ADGRL2: variants seen among roughly 807,000 people sequenced by gnomAD.
The protein encoded by ADGRL2 is calcium-independent alpha-latrotoxin receptor 2.
A neutral mutation model predicts 157.4 loss-of-function variants in ADGRL2; 44 were observed. That is an observed-to-expected ratio of 0.28 (90% CI 0.22 to 0.36). The LOEUF (loss-of-function observed/expected upper bound fraction) is 0.36. ADGRL2 is among the 10% of genes least tolerant of loss of function. The pLI, the probability that ADGRL2 is intolerant of heterozygous loss-of-function variation, is 1.00. For synonymous variants in ADGRL2, 585 were observed against 624.7 expected (o/e 0.94, Z 0.95); for missense variants, 1,510 against 1,768.9 (o/e 0.85, Z 2.63).
At chr1:81,670,886 T>A (rs2082861342) in intron 3 of ADGRL2, among the ~76,000 whole-genome samples, 1 of 152,168 alleles carries the variant, frequency 6.6e-6, no homozygotes, top group Non-Finnish European at 1.5e-5. Context: ...ATTTTTGTAT[T>A]TTTTGTGGAG....
chr1:81,798,980 G>A (rs2087731176), upstream of ADGRL2, among the ~76,000 whole-genome samples: 1 of 152,132 alleles, frequency 6.6e-6, no homozygotes, highest in Admixed American at 6.5e-5. Flanking sequence ...AAATATTTTG[G>A]TAAATGCAAG....
At chr1:81,569,845 C>CA (rs1557470381) in intron 2 of ADGRL2, among the ~76,000 whole-genome samples, 1 of 151,816 alleles carries the variant, frequency 6.6e-6, no homozygotes, top group Non-Finnish European at 1.5e-5. Flanking sequence ...AAAATTAAAC[C>CA]AAAAAAGATG....
chr1:81,703,152 T>C (rs2083628008), intron 1 of ADGRL2, among the ~76,000 whole-genome samples: 1 of 152,150 alleles, frequency 6.6e-6, no homozygotes. Flanking sequence ...GGCTGAAATA[T>C]GTATTCCACA....
At chr1:81,407,140 A>T (rs2101361753) in intron 1 of ADGRL2, among the ~76,000 whole-genome samples, 1 of 152,242 alleles carries the variant, frequency 6.6e-6, no homozygotes, top group Non-Finnish European at 1.5e-5. Context: ...GGTTTAGAAG[A>T]GCTTTGATTA....
At position 81,948,047 on chromosome 1, in the gene ADGRL2, T is replaced by C. The variant is rs536886092; in HGVS notation, c.1211-2142T>C. 2.0e-5 allele frequency among the ~76,000 whole-genome samples: 3 copies of C among 152,002 alleles called. No homozygotes were observed. In the East Asian group the frequency reaches 5.8e-4, roughly 30 times the overall value. On this transcript the variant is annotated intron_variant, in intron 6 of 23. Transcript: ENST00000686636. ...TCCTGGCCAATATGGTGAAACCCCGTCTCTGCTAAAAATACAAAAATTAGC... is the reference window on the plus strand; with the variant it reads ...TCCTGGCCAATATGGTGAAACCCCGCCTCTGCTAAAAATACAAAAATTAGC...
chr1:81,351,596 T>C (rs1209068103), intron 1 of ADGRL2, among the ~76,000 whole-genome samples: 1 of 124,560 alleles, frequency 8.0e-6, no homozygotes, highest in African/African-American at 2.7e-5. Context: ...GATTCCAGAT[T>C]AATTGTTAAA....
chr1:81,934,437 G>A (rs982458223), intron 3 of ADGRL2, among the ~76,000 whole-genome samples: 2 of 151,820 alleles, frequency 1.3e-5, no homozygotes, highest in African/African-American at 4.8e-5. Flanking sequence ...ATTACTTCTG[G>A]TGGAAAAAAT....
rs111411962 is a variant in ADGRL2, at chr1:81,872,007, A to G, written c.73+34950A>G. Among the ~76,000 whole-genome samples, 466 of 152,276 alleles carry G rather than the reference A, an allele frequency of 3.1e-3. 2 individuals carry two copies. Among genetic ancestry groups the G allele is most frequent in the Non-Finnish European group, 4.2e-3 (284 of 68,022 alleles). ...TGTTTTAGACATGAAGTCCTTGCCC[A>G]TGCCTATGTCCTGAATGGTAATGCC... is the stretch of plus-strand genomic sequence containing the variant. On this transcript the variant is annotated intron_variant, in intron 2 of 23. Coordinates refer to ENST00000686636, the MANE Select transcript of ADGRL2 (RefSeq NM_001366006.2).
At chr1:81,716,385 G>A (rs923838891) in intron 1 of ADGRL2, among the ~76,000 whole-genome samples, 2 of 152,132 alleles carry the variant, frequency 1.3e-5, no homozygotes, top group African/African-American at 4.8e-5. Context: ...AGTACTAAAT[G>A]AGTTCTTATA....
intron 1 of ADGRL2, among the ~76,000 whole-genome samples, chr1:81,378,928 T>C (rs909079035): frequency 4.6e-5 from 7 of 152,308 alleles, no homozygotes; most frequent in Admixed American, 2.0e-4. Context: ...TTACTATTTT[T>C]TAAAAATTTT....
At chr1:81,347,802 C>T (rs1662587728) in intron 1 of ADGRL2, among the ~76,000 whole-genome samples, 1 of 152,068 alleles carries the variant, frequency 6.6e-6, no homozygotes, top group Non-Finnish European at 1.5e-5. Flanking sequence ...CTGCAAAAGC[C>T]AGGAATACAG....
chr1:81,862,533 T>C (rs2093420412), intron 2 of ADGRL2, among the ~76,000 whole-genome samples: 1 of 152,164 alleles, frequency 6.6e-6, no homozygotes, highest in African/African-American at 2.4e-5. Context: ...TTGTTATATC[T>C]TAATAAGAGC....
At chr1:81,331,571 C>T (rs538116293) in intron 1 of ADGRL2, among the ~76,000 whole-genome samples, 4 of 152,204 alleles carry the variant, frequency 2.6e-5, no homozygotes, top group Admixed American at 2.0e-4. Flanking sequence ...ACTTTACTCC[C>T]TCGCTACTGG....
At chr1:81,335,204 T>C (rs954605792) in intron 1 of ADGRL2, among the ~76,000 whole-genome samples, 4 of 152,226 alleles carry the variant, frequency 2.6e-5, no homozygotes, top group Admixed American at 6.5e-5. Flanking sequence ...AATATTTGCA[T>C]ATGCTTCTGC....
At chr1:81,844,417 G>T (rs542724745) in intron 2 of ADGRL2, among the ~76,000 whole-genome samples, 3 of 152,268 alleles carry the variant, frequency 2.0e-5, no homozygotes, top group African/African-American at 7.2e-5. Context: ...ACGATAGCTT[G>T]TGATATTAGA....
chr1:81,520,993 C>A (rs2079301250), intron 2 of ADGRL2, among the ~76,000 whole-genome samples: 1 of 152,174 alleles, frequency 6.6e-6, no homozygotes, highest in South Asian at 2.1e-4. Context: ...AGAACATGTG[C>A]CCTAACTTTT....
At chr1:81,590,646 C>G (rs2081114241) in intron 3 of ADGRL2, among the ~76,000 whole-genome samples, 1 of 152,154 alleles carries the variant, frequency 6.6e-6, no homozygotes, top group Non-Finnish European at 1.5e-5. Flanking sequence ...ACAGCATGTC[C>G]TCCAAGCTCT....
Position 81,380,958 on chromosome 1 carries a change from C to T in ADGRL2, c.-301-64078C>T, listed in dbSNP as rs556450222. On this transcript the variant is annotated intron_variant, in intron 1 of 24. Coordinates refer to the ADGRL2 transcript ENST00000370721. Reference sequence around the variant, plus strand: ...TGAAATATATAAATAAATAAGGTTCCATCATCTCATTTACAATTATGTTTT... The same window carrying T: ...TGAAATATATAAATAAATAAGGTTCTATCATCTCATTTACAATTATGTTTT... Among the ~76,000 whole-genome samples the T allele has an allele frequency of 9.9e-5, 15 of 152,026 alleles. No homozygotes were observed. In the South Asian group the frequency reaches 3.1e-3, roughly 32 times the overall value.
At position 81,481,295 on chromosome 1, in the gene ADGRL2, T is replaced by G. The variant is rs79991487; in HGVS notation, c.-248+36206T>G. 2.6e-3 allele frequency among the ~76,000 whole-genome samples: 399 copies of G among 152,344 alleles called. 3 individuals are homozygous for G. Among genetic ancestry groups the G allele is most frequent in the African/African-American group, 9.3e-3 (387 of 41,578 alleles). On this transcript the variant is annotated intron_variant, in intron 2 of 24. Coordinates refer to the ADGRL2 transcript ENST00000370721. ...AGAAACAAGGCTTTCCCGGTCAAAT[T>G]CACTCAGATGTAAAATCACATGGGG...
Sources: allele counts gnomAD v4.1 joint callset (sites outside exome capture counted in the v4.1 genomes callset), GRCh38; gene constraint gnomAD v4.1.1; transcripts MANE v1.5; gene names NCBI Gene and HGNC (gene_info 2026-07-23, HGNC 2026-07-21).